The following ADAM7 variants were observed in gnomAD, a reference collection of about 807,000 sequenced individuals.
ADAM7 encodes disintegrin and metalloproteinase domain-containing protein 7.
In ADAM7, 97 loss-of-function variants were observed where a neutral mutation model predicts 102.9. The ratio of observed to expected loss-of-function variants is 0.94; its 90% confidence interval spans 0.80 to 1.12. The LOEUF (loss-of-function observed/expected upper bound fraction) is 1.12. Ranked by LOEUF, ADAM7 falls within the 50% of genes most tolerant of loss-of-function variation. The probability of loss-of-function intolerance (pLI) is 0.00; values close to 1 mark genes in which losing one functional copy is unlikely to be tolerated. For missense variants in ADAM7, 991 were observed against 908.7 expected, an observed-to-expected ratio of 1.09 and a Z score of -1.16; for synonymous variants, 334 against 304.4, an observed-to-expected ratio of 1.10 and a Z score of -1.01.
intron 19 of ADAM7, 138 bp downstream of exon 19, chr8:24,501,033 G>A: frequency 1.5e-6 from 1 of 663,160 alleles, no homozygotes; most frequent in Non-Finnish European, 2.5e-6. Context: ...AGTAACTCAA[G>A]CTTTTATGTA....
intron 7 of ADAM7, among the ~76,000 whole-genome samples, chr8:24,471,125 A>G (rs1162836391): frequency 6.6e-6 from 1 of 152,152 alleles, no homozygotes; most frequent in Non-Finnish European, 1.5e-5. Flanking sequence ...AACAGAAAAA[A>G]GCTTACAGAA....
At chr8:24,503,673 A>G (rs1820841029) in intron 20 of ADAM7, among the ~76,000 whole-genome samples, 1 of 152,180 alleles carries the variant, frequency 6.6e-6, no homozygotes, top group Non-Finnish European at 1.5e-5. Flanking sequence ...TGGCATATAT[A>G]TACCATGGAA....
At chr8:24,452,813 G>A (rs983051245) in intron 3 of ADAM7, among the ~76,000 whole-genome samples, 74 of 151,498 alleles carry the variant, frequency 4.9e-4, no homozygotes, top group African/African-American at 1.7e-3. Context: ...CATGTTTCGT[G>A]CTTCCTTCAG....
chr8:24,504,543 T>G (rs760701022), intron 20 of ADAM7, among the ~76,000 whole-genome samples: 6 of 152,048 alleles, frequency 3.9e-5, no homozygotes, highest in Non-Finnish European at 7.4e-5. Flanking sequence ...GAAGAAGGGA[T>G]CGAAAGGCCC....
At chr8:24,493,008 T>C (rs887890001) in intron 15 of ADAM7, 35 bp from the exon 16 acceptor site, 3 of 1,534,796 alleles carry the variant, frequency 2.0e-6, no homozygotes, top group Non-Finnish European at 2.6e-6. Flanking sequence ...GTTGTATTTC[T>C]AGTTCCAAGT....
At chr8:24,452,245 T>C (rs1472558651) in intron 3 of ADAM7, among the ~76,000 whole-genome samples, 2 of 150,928 alleles carry the variant, frequency 1.3e-5, no homozygotes, top group Admixed American at 6.6e-5. Context: ...ATGTTGACAG[T>C]GGGGTGTTAA....
At chr8:24,452,006 T>G (rs1275917094) in intron 3 of ADAM7, among the ~76,000 whole-genome samples, 1 of 152,238 alleles carries the variant, frequency 6.6e-6, no homozygotes, top group Non-Finnish European at 1.5e-5. Context: ...TGCACTGTGG[T>G]CTGAGAGACA....
intron 3 of ADAM7, among the ~76,000 whole-genome samples, chr8:24,450,728 A>T (rs1305907897): frequency 4.6e-5 from 7 of 151,556 alleles, no homozygotes; most frequent in South Asian, 2.1e-4. Flanking sequence ...GTCTTGTGCC[A>T]GTTTTCAAAG....
intron 7 of ADAM7, among the ~76,000 whole-genome samples, chr8:24,473,552 T>C (rs1819674629): frequency 6.6e-6 from 1 of 152,196 alleles, no homozygotes; most frequent in South Asian, 2.1e-4. Context: ...GTAAGTCATA[T>C]GTCCAAGACT....
chr8:24,467,032 T>C, intron 6 of ADAM7, 44 bp downstream of exon 6: 1 of 1,529,310 alleles, frequency 6.5e-7, no homozygotes, highest in Non-Finnish European at 9.0e-7. Flanking sequence ...AAACACCTTT[T>C]ATTTTCTTGA....
chr8:24,492,443 T>C lies in ADAM7; in HGVS notation c.1553-52T>C, dbSNP rs552986735. On this transcript the variant is annotated intron_variant, in intron 14 of 21. Coordinates refer to ENST00000175238, the MANE Select transcript of ADAM7 (RefSeq NM_003817.4). ...ATTAGAAAAATAAGGTCTTTTATGA[T>C]TCATGATAGTCATGCTTTATTGTTT... is the stretch of plus-strand genomic sequence containing the variant. The C allele has an allele frequency of 1.5e-4, 197 of 1,292,468 alleles. No homozygotes were observed. In the Middle Eastern group the frequency reaches 1.8e-3, roughly 12 times the overall value. 80.1% of individuals were successfully genotyped at this position (1,292,468 alleles called of 1,614,324 possible).
chr8:24,449,479 A>C (rs1465860301), intron 3 of ADAM7, among the ~76,000 whole-genome samples: 4 of 152,070 alleles, frequency 2.6e-5, no homozygotes, highest in African/African-American at 7.2e-5. Flanking sequence ...TCATGGCCTT[A>C]GCCCACTTTT....
At chr8:24,471,047 G>C (rs1264338262) in intron 7 of ADAM7, among the ~76,000 whole-genome samples, 1 of 151,942 alleles carries the variant, frequency 6.6e-6, no homozygotes, top group African/African-American at 2.4e-5. Context: ...TGTAGGTTTA[G>C]GCTAATGTGT....
rs1820710066 is a variant in ADAM7, at chr8:24,500,236, A to AC, written c.1982_1983insC (p.Glu661AspfsTer59). The AC allele has an allele frequency of 1.2e-6, 2 of 1,611,422 alleles. No homozygotes were observed. The highest frequency in any genetic ancestry group is 2.7e-5 in the African/African-American group (2 of 74,868). Reference sequence around the variant, plus strand: ...GAAGGACAGGCACCTGTAGCCTGTGAAGAAACCTTACATGTTACCAGTGAG... The same window carrying AC: ...GAAGGACAGGCACCTGTAGCCTGTGACAGAAACCTTACATGTTACCAGTGAG... On this transcript the variant is annotated frameshift_variant, in exon 18 of 22. Transcript: ENST00000175238. LOFTEE classifies it high-confidence loss of function.
At chr8:24,494,562 C>T (rs963618164) in intron 16 of ADAM7, among the ~76,000 whole-genome samples, 4 of 152,282 alleles carry the variant, frequency 2.6e-5, no homozygotes, top group Middle Eastern at 3.4e-3. Flanking sequence ...ACTGTGACCA[C>T]GTACTCCGCA....
chr8:24,500,978 T>A (rs1364032630), intron 19 of ADAM7, 83 bp downstream of exon 19: 1 of 1,146,386 alleles, frequency 8.7e-7, no homozygotes, highest in South Asian at 1.4e-5. Context: ...GGATATTCAA[T>A]GGGGGGAAGT....
At chr8:24,447,068 T>C (rs1266361648) in intron 2 of ADAM7, 118 bp from the exon 3 acceptor site, 3 of 481,072 alleles carry the variant, frequency 6.2e-6, no homozygotes, top group African/African-American at 4.0e-5. Flanking sequence ...TTTTGCATTT[T>C]GGCTGAAAGG....
chr8:24,489,069 C>T, intron 11 of ADAM7, 90 bp from the exon 12 acceptor site: 1 of 1,218,142 alleles, frequency 8.2e-7, no homozygotes, highest in Non-Finnish European at 1.1e-6. Context: ...TACATTTGTT[C>T]TTTTCAAATG....
intron 11 of ADAM7, among the ~76,000 whole-genome samples, chr8:24,488,845 C>T (rs991294180): frequency 2.0e-5 from 3 of 151,764 alleles, no homozygotes; most frequent in African/African-American, 7.3e-5. Context: ...GGATGATAAA[C>T]AAATACATAG....
Sources: gnomAD v4.1 joint callset for allele counts (sites outside exome capture counted in the v4.1 genomes callset) on GRCh38, gnomAD v4.1.1 for gene constraint, MANE v1.5 for transcripts, NCBI Gene and HGNC (gene_info 2026-07-23, HGNC 2026-07-21) for gene names.